DNAJC1: variants seen among roughly 807,000 people sequenced by gnomAD.
DNAJC1 encodes the protein DnaJ heat shock protein family (Hsp40) member C1.
DNAJC1 carries 58 observed loss-of-function variants against 76.6 expected under a neutral mutation model. That is an observed-to-expected ratio of 0.76 (90% CI 0.61 to 0.94). The LOEUF (loss-of-function observed/expected upper bound fraction) is 0.94. DNAJC1 is among the 40% of genes least tolerant of loss of function. DNAJC1 has a pLI of 0.00. For missense variants in DNAJC1, 689 were observed against 677.3 expected (o/e 1.02, Z -0.19); for synonymous variants, 258 against 267.9 (o/e 0.96, Z 0.36).
At chr10:21,839,973 A>G (rs1289860379) in intron 8 of DNAJC1, among the ~76,000 whole-genome samples, 6 of 152,152 alleles carry the variant, frequency 3.9e-5, no homozygotes, top group South Asian at 2.1e-4. Context: ...ATGTAATCCA[A>G]CATATAAACA....
intron 8 of DNAJC1, chr10:21,860,927 A>C (rs1413702431): frequency 6.6e-6 from 1 of 152,244 alleles, no homozygotes; most frequent in East Asian, 1.9e-4. Context: ...CCACAGATAC[A>C]AATTCAATGA....
chr10:21,787,621 T>C (rs1303556497), intron 9 of DNAJC1, among the ~76,000 whole-genome samples: 1 of 152,160 alleles, frequency 6.6e-6, no homozygotes, highest in Non-Finnish European at 1.5e-5. Flanking sequence ...AAACTCAGGA[T>C]AGCCACATCA....
intron 3 of DNAJC1, among the ~76,000 whole-genome samples, chr10:21,921,667 T>C (rs113846120): frequency 1.4e-4 from 21 of 152,140 alleles, no homozygotes; most frequent in African/African-American, 4.6e-4. Context: ...TTTTTGGCTT[T>C]TGCTGGAAGA....
Position 21,762,117 on chromosome 10 carries a change from A to T in DNAJC1, c.1148-2499T>A, listed in dbSNP as rs1376456727. ...CCATGCCCAGCTAATTTTTGTATTT[A>T]TAGAACAGACGAGGTTTCACCATGT... On this transcript the variant is annotated intron_variant, in intron 10 of 11. Coordinates refer to ENST00000376980, the MANE Select transcript of DNAJC1 (RefSeq NM_022365.4). 3.9e-5 allele frequency among the ~76,000 whole-genome samples: 6 copies of T among 152,064 alleles called. No individual in the cohort carries two copies. The East Asian group carries it at 1.2e-3, about 29-fold the overall frequency.
At chr10:21,817,124 C>T (rs1318792298) in intron 8 of DNAJC1, among the ~76,000 whole-genome samples, 2 of 129,342 alleles carry the variant, frequency 1.5e-5, no homozygotes, top group African/African-American at 5.9e-5. Flanking sequence ...CGCGCCACTG[C>T]ACTCCAGCAT....
At chr10:21,974,951 A>G (rs890485486) in intron 1 of DNAJC1, among the ~76,000 whole-genome samples, 1 of 152,146 alleles carries the variant, frequency 6.6e-6, no homozygotes, top group Non-Finnish European at 1.5e-5. Context: ...TGTTCCCAGA[A>G]TATCATTTAT....
intron 11 of DNAJC1, among the ~76,000 whole-genome samples, chr10:21,757,902 G>A (rs1208556823): frequency 4.6e-5 from 7 of 152,178 alleles, no homozygotes; most frequent in Admixed American, 3.9e-4. Context: ...GTTTCTGGGT[G>A]TTCTATCCTT....
chr10:21,933,275 T>C (rs1017829557), intron 1 of DNAJC1: 21 of 152,680 alleles, frequency 1.4e-4, no homozygotes, highest in African/African-American at 5.1e-4. Context: ...CGAAGCTGCA[T>C]GCTCGGTCCA....
chr10:21,812,199 C>CA (rs1834978986), intron 8 of DNAJC1, among the ~76,000 whole-genome samples: 1 of 151,996 alleles, frequency 6.6e-6, no homozygotes, highest in Non-Finnish European at 1.5e-5. Context: ...ACTGGGATTA[C>CA]AGGTGCCCGC....
At chr10:22,003,114 C>G in intron 1 of DNAJC1, 99 bp downstream of exon 1, 1 of 1,347,312 alleles carries the variant, frequency 7.4e-7, no homozygotes, top group South Asian at 2.0e-5. Flanking sequence ...CCGGGGTGAC[C>G]AAGCCCTGCC....
At chr10:21,917,223 T>G (rs562077906) in intron 6 of DNAJC1, among the ~76,000 whole-genome samples, 1 of 151,188 alleles carries the variant, frequency 6.6e-6, no homozygotes, top group African/African-American at 2.4e-5. Flanking sequence ...AAACAATCAA[T>G]CTATTACATG....
rs1834216162 is a variant in DNAJC1, at chr10:21,759,491, C to G, written c.1275G>C (p.Glu425Asp). 1 of 1,614,098 alleles carries G rather than the reference C, an allele frequency of 6.2e-7. No individual in the cohort carries two copies. Among genetic ancestry groups the G allele is most frequent in the Admixed American group, 1.7e-5 (1 of 60,006 alleles). The change falls in exon 11 of 12, where the codon GAG (glutamate) becomes GAC (aspartate). Residue 425 changes from glutamate to aspartate, a missense_variant. Physicochemically the swap from Glu to Asp is conservative, Grantham distance 45. Coordinates refer to ENST00000376980, the MANE Select transcript of DNAJC1 (RefSeq NM_022365.4). ...CCTGCTCACCGGAGTCTCCCTCCTG[C>G]TCCTCCTCCGCTGCCACCCCCTCTG... ...EDAEGVAAEEEQEGDSGEQET... is the reference protein window; with the variant it reads ...EDAEGVAAEEDQEGDSGEQET...
intron 1 of DNAJC1, among the ~76,000 whole-genome samples, chr10:21,940,763 C>T (rs1262876480): frequency 6.6e-6 from 1 of 152,042 alleles, no homozygotes; most frequent in Non-Finnish European, 1.5e-5. Context: ...TATCTAATTA[C>T]TGGGGGAATT....
At position 21,920,935 on chromosome 10, in the gene DNAJC1, G is replaced by C; in HGVS notation, c.400C>G (p.Pro134Ala). The stretch of plus-strand genomic sequence containing the variant: ...TAGAATACAGGCTGTCGCCAATCTG[G>C]AAGTCCATTGATCAGAATATCATCA... Reference protein sequence around the residue: ...RYDDILINGLPDWRQPVFYYR... With the variant: ...RYDDILINGLADWRQPVFYYR... The change falls in exon 4 of 12, where the codon CCA (proline) becomes GCA (alanine). Residue 134 changes from proline to alanine, a missense_variant. By Grantham distance (27) the Pro-to-Ala change is conservative. Transcript: ENST00000376980. 1.2e-6 allele frequency: 2 copies of C among 1,611,216 alleles called. No homozygotes were observed. The highest frequency in any genetic ancestry group is 1.7e-6 in the Non-Finnish European group (2 of 1,178,430).
chr10:21,981,035 A>T (rs1235935613), intron 1 of DNAJC1, among the ~76,000 whole-genome samples: 1 of 152,136 alleles, frequency 6.6e-6, no homozygotes, highest in East Asian at 1.9e-4. Context: ...TCTGTGATCA[A>T]GTCACTCTCT....
chr10:21,951,876 C>A (rs190077458), intron 1 of DNAJC1, among the ~76,000 whole-genome samples: 2 of 152,156 alleles, frequency 1.3e-5, no homozygotes, highest in East Asian at 3.8e-4. Context: ...AATGCTTGAA[C>A]ATTTATGTGA....
chr10:21,904,705 T>C (rs965290184), intron 6 of DNAJC1, 93 bp from the exon 7 acceptor site: 52 of 628,358 alleles, frequency 8.3e-5, no homozygotes, highest in Non-Finnish European at 7.3e-5. Context: ...ATTATATTCA[T>C]TTTATAAGTA....
intron 1 of DNAJC1, among the ~76,000 whole-genome samples, chr10:21,962,752 T>C (rs1273533989): frequency 6.6e-6 from 1 of 151,626 alleles, no homozygotes; most frequent in African/African-American, 2.4e-5. Flanking sequence ...ATGTTGCATT[T>C]AGCATTGAAA....
At chr10:22,001,521 C>T (rs1838518363) in intron 1 of DNAJC1, among the ~76,000 whole-genome samples, 1 of 152,192 alleles carries the variant, frequency 6.6e-6, no homozygotes, top group African/African-American at 2.4e-5. Flanking sequence ...TCTTGATTAT[C>T]TATGCTTCTT....
Sources: gnomAD v4.1 joint callset for allele counts (sites outside exome capture counted in the v4.1 genomes callset) on GRCh38, gnomAD v4.1.1 for gene constraint, MANE v1.5 for transcripts, NCBI Gene and HGNC (gene_info 2026-07-23, HGNC 2026-07-21) for gene names.